The following NEO1 variants were observed in gnomAD, a reference collection of about 807,000 sequenced individuals.
The protein encoded by NEO1 is neogenin 1.
Under a neutral mutation model 159.7 loss-of-function variants are expected in NEO1, and 63 were observed. The observed-to-expected ratio is 0.39, with a 90% CI of 0.32 to 0.49. The LOEUF (loss-of-function observed/expected upper bound fraction) is 0.49, where lower values mean the gene tolerates loss of function less well. NEO1 is among the 20% of genes least tolerant of loss of function. The pLI, the probability that NEO1 is intolerant of heterozygous loss-of-function variation, is 0.85. For missense variants in NEO1, 1,615 were observed against 1,831.0 expected (o/e 0.88, Z 2.15); for synonymous variants, 633 against 662.0 (o/e 0.96, Z 0.67).
chr15:73,075,790 G>T (rs1251331951), intron 1 of NEO1, among the ~76,000 whole-genome samples: 2 of 152,136 alleles, frequency 1.3e-5, no homozygotes, highest in South Asian at 4.2e-4. Flanking sequence ...GTGTGTGCTT[G>T]TCAGAATTTG....
chr15:73,147,657 T>C (rs2033022315), intron 5 of NEO1, among the ~76,000 whole-genome samples: 1 of 152,232 alleles, frequency 6.6e-6, no homozygotes, highest in East Asian at 1.9e-4. Flanking sequence ...ACTATCATTG[T>C]TGGCATTACT....
intron 25 of NEO1, 54 bp from the exon 26 acceptor site, chr15:73,293,334 TTG>T: frequency 1.3e-6 from 2 of 1,598,752 alleles, no homozygotes; most frequent in East Asian, 4.5e-5. Context: ...AAACTGTGAT[TTG>T]TGTGTGTTTG....
At chr15:73,103,632 T>C (rs1275312757) in intron 1 of NEO1, among the ~76,000 whole-genome samples, 2 of 152,208 alleles carry the variant, frequency 1.3e-5, no homozygotes, top group Non-Finnish European at 2.9e-5. Flanking sequence ...TCCTCCACTA[T>C]AAGCACTCTT....
rs1035830983 is a variant in NEO1, at chr15:73,150,093, A to T, written c.1015+14066A>T. Among the ~76,000 whole-genome samples, 31 of 152,130 alleles carry T rather than the reference A, an allele frequency of 2.0e-4. 1 individual carries two copies. The highest frequency in any genetic ancestry group is 5.8e-4 in the African/African-American group (24 of 41,408). On this transcript the variant is annotated intron_variant, in intron 5 of 28. Transcript: ENST00000261908. ...CTAATTCAGTAATGATCACAGACCT[A>T]AATAGTTTGTAGTTTCAAAGCAGAA...
rs547304759 is a variant in NEO1 at position 73,249,105 on chromosome 15, C to T, written c.1652C>T (p.Ser551Leu). The T allele has an allele frequency of 2.8e-5, 46 of 1,614,080 alleles. No individual in the cohort carries two copies. Among genetic ancestry groups the T allele is most frequent in the Middle Eastern group, 3.3e-4 (2 of 6,062 alleles). The change falls in exon 10 of 29, where the codon TCG (serine) becomes TTG (leucine). Residue 551 changes from serine (S) to leucine (L), a missense_variant. Around this residue, in one of 3 missense-constraint regions of NEO1, gnomAD observed 1,018 missense variants for 1,115.4 expected, o/e 0.91. Transcript: ENST00000261908. Reference sequence around the variant, plus strand: ...CCTAACCTTCGTGCATATGCAGCTTCGCCTACCTCCATCACTGTTACGTGG... The same window carrying T: ...CCTAACCTTCGTGCATATGCAGCTTTGCCTACCTCCATCACTGTTACGTGG... ...PAPNLRAYAA[S>L]PTSITVTWET...
At chr15:73,205,658 C>A (rs1173276579) in intron 7 of NEO1, among the ~76,000 whole-genome samples, 1 of 152,174 alleles carries the variant, frequency 6.6e-6, no homozygotes, top group Admixed American at 6.5e-5. Context: ...GTTTATGTCT[C>A]CCATGGCTTC....
At chr15:73,239,941 G>C (rs1166267035) in intron 8 of NEO1, among the ~76,000 whole-genome samples, 1 of 152,146 alleles carries the variant, frequency 6.6e-6, no homozygotes, top group Non-Finnish European at 1.5e-5. Context: ...CATCCCTCGG[G>C]ATATTTGGCA....
chr15:73,115,317 A>G (rs535216743), intron 1 of NEO1, among the ~76,000 whole-genome samples: 1 of 152,348 alleles, frequency 6.6e-6, no homozygotes, highest in East Asian at 1.9e-4. Context: ...CTGGGATTAC[A>G]GGCGTGAGCC....
chr15:73,181,198 G>A (rs1245263821), intron 7 of NEO1, among the ~76,000 whole-genome samples: 1 of 152,174 alleles, frequency 6.6e-6, no homozygotes, highest in African/African-American at 2.4e-5. Context: ...TGTTCCTGTA[G>A]TAAGGTAGCC....
rs781369571 is a variant in NEO1, at chr15:73,249,186, A to G, written c.1733A>G (p.Glu578Gly). The change falls in exon 10 of 29, where the codon GAA becomes GGA. Residue 578 changes from glutamate to glycine, a missense_variant. Around this residue, in one of 3 missense-constraint regions of NEO1, gnomAD observed 1,018 missense variants for 1,115.4 expected, o/e 0.91. Transcript: ENST00000261908. ...EIQNYKLYYM[E>G]KGTDKEQDVD... ...CAGAATTATAAATTGTACTACATGG[A>G]AAAGGGGACTGATAAAGAACAGGTA... is the stretch of plus-strand genomic sequence containing the variant. 7 of 1,613,932 alleles carry G rather than the reference A, an allele frequency of 4.3e-6. No individual in the cohort carries two copies. In the Admixed American group the frequency reaches 1.2e-4, roughly 27 times the overall value.
At chr15:73,292,540 A>G (rs1007587352) in intron 25 of NEO1, among the ~76,000 whole-genome samples, 4 of 152,220 alleles carry the variant, frequency 2.6e-5, no homozygotes, top group Non-Finnish European at 5.9e-5. Context: ...TCCATCTCAG[A>G]TGGATAATGA....
chr15:73,071,159 G>A (rs2068512396), intron 1 of NEO1, among the ~76,000 whole-genome samples: 1 of 152,060 alleles, frequency 6.6e-6, no homozygotes, highest in Non-Finnish European at 1.5e-5. Flanking sequence ...TGTTGCCCAG[G>A]CTGGTCTGGA....
intron 18 of NEO1, 91 bp downstream of exon 18, chr15:73,270,545 T>G: frequency 7.3e-7 from 1 of 1,361,678 alleles, no homozygotes; most frequent in Non-Finnish European, 9.8e-7. Context: ...CAAAACACAG[T>G]GAGCAACTAC....
chr15:73,101,657 T>C (rs2070409050), intron 1 of NEO1, among the ~76,000 whole-genome samples: 2 of 152,210 alleles, frequency 1.3e-5, no homozygotes, highest in Non-Finnish European at 2.9e-5. Context: ...GTCATAGTCC[T>C]GTGCTGTCTA....
intron 7 of NEO1, among the ~76,000 whole-genome samples, chr15:73,230,962 T>C (rs932163815): frequency 3.3e-5 from 5 of 152,218 alleles, no homozygotes; most frequent in Non-Finnish European, 5.9e-5. Context: ...AAGAGCATGT[T>C]TAATTTTCAA....
At position 73,304,115 on chromosome 15, in the gene NEO1, C is replaced by CA. The variant is rs1555472922; in HGVS notation, c.*1419_*1420insA. On this transcript the variant is annotated 3_prime_UTR_variant, in exon 29 of 29. Transcript: ENST00000261908. ...AGGGACAGCGGAAACAGCTGCCCACCCCCCCCATCCCAGCAGCTCAGCTAA... is the reference window on the plus strand; with the variant it reads ...AGGGACAGCGGAAACAGCTGCCCACCACCCCCCATCCCAGCAGCTCAGCTAA... 1.3e-5 allele frequency: 2 copies of CA among 151,830 alleles called. No homozygotes were observed. Among genetic ancestry groups the CA allele is most frequent in the Non-Finnish European group, 2.9e-5 (2 of 67,928 alleles). 9.4% of individuals were successfully genotyped at this position (151,830 alleles called of 1,614,324 possible).
At chr15:73,197,212 A>G (rs921717301) in intron 7 of NEO1, among the ~76,000 whole-genome samples, 9 of 152,138 alleles carry the variant, frequency 5.9e-5, no homozygotes, top group Non-Finnish European at 2.9e-5. Context: ...TACAAAAATT[A>G]GCCGGGTGTG....
intron 1 of NEO1, among the ~76,000 whole-genome samples, chr15:73,066,904 C>A (rs7497831): frequency 0.13 from 19,526 of 152,160 alleles, 1,923 homozygotes; most frequent in African/African-American, 0.27. Context: ...GCTTTTCTTT[C>A]TTTTTGCATC....
At chr15:73,163,276 T>C (rs1305019485) in intron 5 of NEO1, among the ~76,000 whole-genome samples, 1 of 152,218 alleles carries the variant, frequency 6.6e-6, no homozygotes, top group Non-Finnish European at 1.5e-5. Flanking sequence ...CTTATTCTTT[T>C]GGCTTTTATT....
Sources: allele counts gnomAD v4.1 joint callset (sites outside exome capture counted in the v4.1 genomes callset), GRCh38; gene constraint gnomAD v4.1.1; regional missense constraint gnomAD v4.1.1; transcripts MANE v1.5; gene names NCBI Gene and HGNC (gene_info 2026-07-23, HGNC 2026-07-21).